SHISA6: variants seen among roughly 807,000 people sequenced by gnomAD.
SHISA6 encodes the protein shisa family member 6, also known as protein shisa-6.
Under a neutral mutation model 47.9 loss-of-function variants are expected in SHISA6, and 22 were observed. The ratio of observed to expected loss-of-function variants is 0.46; its 90% confidence interval spans 0.33 to 0.66. The LOEUF is 0.66. Among genes scored for constraint, SHISA6 ranks in the 30% least tolerant of loss-of-function variants. The pLI, the probability that SHISA6 is intolerant of heterozygous loss-of-function variation, is 0.02. For synonymous variants in SHISA6, 388 were observed against 337.8 expected, an observed-to-expected ratio of 1.15 and a Z score of -1.63; for missense variants, 680 against 764.6, an observed-to-expected ratio of 0.89 and a Z score of 1.30.
chr17:11,524,678 T>G (rs1438564936), intron 3 of SHISA6, among the ~76,000 whole-genome samples: 1 of 152,104 alleles, frequency 6.6e-6, no homozygotes, highest in Non-Finnish European at 1.5e-5. Flanking sequence ...TTTGTATTTT[T>G]AGTCAAGACG....
At chr17:11,404,704 C>A (rs79302635) in intron 3 of SHISA6, among the ~76,000 whole-genome samples, 5,358 of 152,310 alleles carry the variant, frequency 0.035, 251 homozygotes, top group African/African-American at 0.1. Context: ...TACACCCCCA[C>A]GTACAGACGA....
intron 2 of SHISA6, among the ~76,000 whole-genome samples, chr17:11,307,154 T>C (rs374047625): frequency 3.4e-5 from 5 of 147,154 alleles, no homozygotes; most frequent in African/African-American, 7.5e-5. Context: ...TTTTTTTTTC[T>C]TTTTTTCTTT....
chr17:11,302,896 T>G (rs1420654152), intron 2 of SHISA6, among the ~76,000 whole-genome samples: 1 of 151,798 alleles, frequency 6.6e-6, no homozygotes, highest in African/African-American at 2.4e-5. Context: ...AAATGAGAGG[T>G]TTCTAGATGA....
chr17:11,360,464 G>A (rs1360646466), intron 2 of SHISA6, among the ~76,000 whole-genome samples: 4 of 151,978 alleles, frequency 2.6e-5, no homozygotes, highest in Admixed American at 6.6e-5. Context: ...GTAGGCTGAG[G>A]CAGGAGAATT....
chr17:11,261,000 G>A (rs939407419), intron 1 of SHISA6, among the ~76,000 whole-genome samples: 1 of 152,012 alleles, frequency 6.6e-6, no homozygotes, highest in African/African-American at 2.4e-5. Context: ...CATTTCCTCC[G>A]GCATATTCAA....
At chr17:11,257,400 C>T (rs959223070) in intron 1 of SHISA6, among the ~76,000 whole-genome samples, 1 of 152,078 alleles carries the variant, frequency 6.6e-6, no homozygotes, top group Admixed American at 6.5e-5. Context: ...GTGGCTTAAA[C>T]CTATCATTCC....
chr17:11,264,440 C>T (rs7211030), intron 2 of SHISA6, among the ~76,000 whole-genome samples: 6,652 of 152,184 alleles, frequency 0.044, 384 homozygotes, highest in African/African-American at 0.13. Flanking sequence ...ACTAGGAAAC[C>T]GTAATATCCT....
chr17:11,512,911 T>G (rs907194289), intron 3 of SHISA6, among the ~76,000 whole-genome samples: 3 of 152,096 alleles, frequency 2.0e-5, no homozygotes, highest in Admixed American at 1.3e-4. Flanking sequence ...GAACACAGAT[T>G]ATTTTCAATT....
intron 2 of SHISA6, among the ~76,000 whole-genome samples, chr17:11,370,552 G>A (rs1449193650): frequency 1.3e-5 from 2 of 152,166 alleles, no homozygotes; most frequent in Non-Finnish European, 2.9e-5. Context: ...CTGCTTTCGG[G>A]AGGATCCACC....
At chr17:11,516,579 T>A (rs527625275) in intron 3 of SHISA6, among the ~76,000 whole-genome samples, 1 of 152,302 alleles carries the variant, frequency 6.6e-6, no homozygotes, top group African/African-American at 2.4e-5. Context: ...CCAATCCCCA[T>A]GGTGTAAATA....
At chr17:11,453,243 C>T (rs1915450329) in intron 3 of SHISA6, among the ~76,000 whole-genome samples, 1 of 152,112 alleles carries the variant, frequency 6.6e-6, no homozygotes, top group Admixed American at 6.5e-5. Flanking sequence ...GTCATTTTTC[C>T]AGGCTGACTC....
At chr17:11,517,032 A>G (rs990899615) in intron 3 of SHISA6, among the ~76,000 whole-genome samples, 2 of 152,190 alleles carry the variant, frequency 1.3e-5, no homozygotes, top group African/African-American at 4.8e-5. Context: ...GATTAGGGAG[A>G]TAATTCTGGG....
intron 5 of SHISA6, among the ~76,000 whole-genome samples, chr17:11,556,250 G>C (rs573428591): frequency 6.6e-6 from 1 of 152,208 alleles, no homozygotes; most frequent in South Asian, 2.1e-4. Context: ...ATACTGGATA[G>C]AGGCTAGCAA....
intron 3 of SHISA6, among the ~76,000 whole-genome samples, chr17:11,411,658 A>G (rs1218603356): frequency 6.6e-6 from 1 of 152,008 alleles, no homozygotes; most frequent in Admixed American, 6.6e-5. Flanking sequence ...CGGCCTCCCA[A>G]AGTGCTGGGA....
chr17:11,558,415 T>A lies in SHISA6; in HGVS notation c.*111T>A. On this transcript the variant is annotated 3_prime_UTR_variant, in exon 6 of 6. Coordinates refer to ENST00000441885, the MANE Select transcript of SHISA6 (RefSeq NM_207386.4). ...ACTCTCCCTTCCCTTGTCCCCTCTG[T>A]AGGAAGTGGGGGTGGGCCACCTTTG... is the stretch of plus-strand genomic sequence containing the variant. The A allele has an allele frequency of 7.8e-7, 1 of 1,281,674 alleles. No individual in the cohort carries two copies. Among genetic ancestry groups the A allele is most frequent in the Non-Finnish European group, 1.1e-6 (1 of 949,632 alleles). The allele number at this position is 1,281,674 out of a possible 1,614,324, so 79.4% of individuals were successfully genotyped here.
intron 2 of SHISA6, among the ~76,000 whole-genome samples, chr17:11,332,962 G>C (rs1483312866): frequency 1.3e-5 from 2 of 152,170 alleles, no homozygotes; most frequent in African/African-American, 4.8e-5. Context: ...AGAAGTCTGT[G>C]TCCAGATGAG....
chr17:11,356,414 G>A (rs1912081338), intron 2 of SHISA6, among the ~76,000 whole-genome samples: 3 of 152,172 alleles, frequency 2.0e-5, no homozygotes, highest in Admixed American at 2.0e-4. Context: ...TTTAGCAGAT[G>A]CAATTACTCT....
intron 3 of SHISA6, among the ~76,000 whole-genome samples, chr17:11,491,888 C>T (rs533676856): frequency 6.6e-6 from 1 of 151,688 alleles, no homozygotes; most frequent in South Asian, 2.1e-4. Flanking sequence ...TCTCCTGCCT[C>T]AGCCTCCTGA....
At chr17:11,526,932 T>TATAATA (rs2071691804) in intron 3 of SHISA6, among the ~76,000 whole-genome samples, 1 of 42,954 alleles carries the variant, frequency 2.3e-5, no homozygotes, top group Non-Finnish European at 4.3e-5. Flanking sequence ...TATATATATA[T>TATAATA]ATATTATAAT....
Sources: gnomAD v4.1 joint callset for allele counts (sites outside exome capture counted in the v4.1 genomes callset) on GRCh38, gnomAD v4.1.1 for gene constraint, MANE v1.5 for transcripts, NCBI Gene and HGNC (gene_info 2026-07-23, HGNC 2026-07-21) for gene names.